The following BZW2 variants were observed in gnomAD, a reference collection of about 807,000 sequenced individuals.
BZW2 encodes the protein eIF5-mimic protein 1.
BZW2 carries 23 observed loss-of-function variants against 53.2 expected under a neutral mutation model. The ratio of observed to expected loss-of-function variants is 0.43; its 90% CI spans 0.31 to 0.61. The LOEUF is 0.61. Among genes scored for constraint, BZW2 ranks in the 20% least tolerant of loss-of-function variants. The probability of loss-of-function intolerance (pLI) is 0.09; values close to 1 mark genes in which losing one functional copy is unlikely to be tolerated. For synonymous variants in BZW2, 227 were observed against 186.4 expected, an observed-to-expected ratio of 1.22 and a Z score of -1.77; for missense variants, 409 against 503.1, an observed-to-expected ratio of 0.81 and a Z score of 1.79.
intron 1 of BZW2, among the ~76,000 whole-genome samples, chr7:16,647,451 C>A (rs1231161007): frequency 6.6e-6 from 1 of 152,198 alleles, no homozygotes; most frequent in Non-Finnish European, 1.5e-5. Flanking sequence ...CATCTGAAAT[C>A]TCCTGGAATA....
At position 16,706,055 on chromosome 7, in the gene BZW2, C is replaced by T. The variant is rs751251865; in HGVS notation, c.1232-5C>T. ...GAAATATCTCACTTCTTTCTTCTCT[C>T]CTAGAATCCGAATCGGAAGGTGAGG... On this transcript the variant is annotated splice_polypyrimidine_tract_variant and splice_region_variant and intron_variant, in intron 11 of 11. Coordinates refer to ENST00000258761, the MANE Select transcript of BZW2 (RefSeq NM_014038.3). The T allele has an allele frequency of 6.2e-7, 1 of 1,613,680 alleles. No homozygotes were observed. Among genetic ancestry groups the T allele is most frequent in the Non-Finnish European group, 8.5e-7 (1 of 1,179,812 alleles).
chr7:16,664,709 A>G (rs76537701), intron 1 of BZW2, among the ~76,000 whole-genome samples: 4,163 of 152,304 alleles, frequency 0.027, 91 homozygotes, highest in Non-Finnish European at 0.043. Context: ...AGGACATTTC[A>G]TGTTCCATTT....
chr7:16,654,210 A>G (rs1782063420), intron 1 of BZW2, among the ~76,000 whole-genome samples: 1 of 151,810 alleles, frequency 6.6e-6, no homozygotes, highest in Non-Finnish European at 1.5e-5. Flanking sequence ...AGCCTGGGTG[A>G]CAGAGTAAGA....
rs998760546 is a variant in BZW2 at position 16,646,270 on chromosome 7, T to A, written c.-26T>A. 1.8e-5 allele frequency: 5 copies of A among 277,134 alleles called. No homozygotes were observed. The highest frequency in any genetic ancestry group is 3.7e-5 in the Non-Finnish European group (5 of 136,348). The allele number at this position is 277,134 out of a possible 1,614,324, so 17.2% of individuals were successfully genotyped here. ...CCGCAGCCCCCAGCCTTGCGCGTCG[T>A]CGCTACCTCCTCGGACAGGTGAGAA... On this transcript the variant is annotated 5_prime_UTR_variant, in exon 1 of 12. Coordinates refer to ENST00000258761, the MANE Select transcript of BZW2 (RefSeq NM_014038.3).
intron 1 of BZW2, among the ~76,000 whole-genome samples, chr7:16,662,724 C>T (rs1203742453): frequency 6.6e-6 from 1 of 151,954 alleles, no homozygotes; most frequent in Non-Finnish European, 1.5e-5. Context: ...TGAAGTCACC[C>T]TGGTCAACAT....
At chr7:16,688,031 GT>G (rs576973116) in intron 6 of BZW2, among the ~76,000 whole-genome samples, 4 of 146,402 alleles carry the variant, frequency 2.7e-5, no homozygotes, top group Non-Finnish European at 4.5e-5. Flanking sequence ...AGCCGTTTTT[GT>G]TTTTTTTTTA....
intron 2 of BZW2, among the ~76,000 whole-genome samples, chr7:16,672,204 A>C (rs529253026): frequency 6.6e-6 from 1 of 152,162 alleles, no homozygotes; most frequent in Non-Finnish European, 1.5e-5. Flanking sequence ...ATGTACTTGG[A>C]AACAATCTTT....
intron 6 of BZW2, chr7:16,687,225 C>T (rs1783154362): frequency 6.6e-6 from 1 of 151,926 alleles, no homozygotes; most frequent in African/African-American, 2.4e-5. Flanking sequence ...AGATGGTGGG[C>T]ATGTGAATGT....
intron 3 of BZW2, among the ~76,000 whole-genome samples, chr7:16,679,426 T>C (rs958017288): frequency 6.6e-6 from 1 of 152,240 alleles, no homozygotes; most frequent in Admixed American, 6.5e-5. Context: ...AAAGGGCTAA[T>C]TAAATCTCAT....
chr7:16,668,994 C>T (rs1300063717), intron 2 of BZW2, among the ~76,000 whole-genome samples: 5 of 152,088 alleles, frequency 3.3e-5, no homozygotes, highest in Non-Finnish European at 2.9e-5. Context: ...TCAAACTGTT[C>T]TTTCTGTACA....
At chr7:16,674,871 A>G (rs545279103) in intron 3 of BZW2, among the ~76,000 whole-genome samples, 1 of 152,228 alleles carries the variant, frequency 6.6e-6, no homozygotes, top group African/African-American at 2.4e-5. Flanking sequence ...ATATGTCCCT[A>G]ATCTTTCAGT....
intron 7 of BZW2, among the ~76,000 whole-genome samples, chr7:16,693,851 G>A (rs1783395590): frequency 6.6e-6 from 1 of 152,154 alleles, no homozygotes; most frequent in Non-Finnish European, 1.5e-5. Flanking sequence ...GAAATTAATA[G>A]GATGATAGAA....
intron 1 of BZW2, among the ~76,000 whole-genome samples, chr7:16,655,686 C>T (rs147451486): frequency 1.9e-3 from 288 of 152,296 alleles, no homozygotes; most frequent in Middle Eastern, 3.4e-3. Context: ...CTCCTATTCT[C>T]CTGTCTCCAG....
chr7:16,663,193 C>T (rs866034373), intron 1 of BZW2, among the ~76,000 whole-genome samples: 5 of 152,128 alleles, frequency 3.3e-5, no homozygotes, highest in African/African-American at 9.7e-5. Flanking sequence ...GTAATGATTT[C>T]GATATGTTGC....
At chr7:16,668,309 C>G (rs963858067) in intron 2 of BZW2, among the ~76,000 whole-genome samples, 2 of 152,226 alleles carry the variant, frequency 1.3e-5, no homozygotes, top group Non-Finnish European at 2.9e-5. Flanking sequence ...AAAGTTTTCT[C>G]TCCTTCAGAA....
At chr7:16,651,489 A>T (rs1003886896) in intron 1 of BZW2, among the ~76,000 whole-genome samples, 1 of 152,230 alleles carries the variant, frequency 6.6e-6, no homozygotes, top group South Asian at 2.1e-4. Flanking sequence ...AAGAAATGTT[A>T]TATGTTTTTC....
At chr7:16,683,542 G>T (rs534137339) in intron 5 of BZW2, among the ~76,000 whole-genome samples, 115 of 152,358 alleles carry the variant, frequency 7.5e-4, no homozygotes, top group South Asian at 4.1e-3. Flanking sequence ...TTCTTTAATT[G>T]TATGCAGTTT....
intron 5 of BZW2, among the ~76,000 whole-genome samples, chr7:16,683,532 T>G (rs758717765): frequency 1.3e-5 from 2 of 152,222 alleles, no homozygotes; most frequent in Non-Finnish European, 2.9e-5. Flanking sequence ...TTCAGCAAAA[T>G]TCTTTAATTG....
At chr7:16,659,174 TC>T (rs1782191298) in intron 1 of BZW2, among the ~76,000 whole-genome samples, 2 of 152,104 alleles carry the variant, frequency 1.3e-5, no homozygotes, top group Admixed American at 6.6e-5. Flanking sequence ...AATGGTGGAC[TC>T]TTTACTTGTG....
Sources: gnomAD v4.1 joint callset for allele counts (sites outside exome capture counted in the v4.1 genomes callset) on GRCh38, gnomAD v4.1.1 for gene constraint, MANE v1.5 for transcripts, NCBI Gene and HGNC (gene_info 2026-07-23, HGNC 2026-07-21) for gene names.